Variants in EDAR observed in about 807,000 individuals in gnomAD.
The protein encoded by EDAR is ectodysplasin A receptor.
A neutral mutation model predicts 51.3 loss-of-function variants in EDAR; 38 were observed. The ratio of observed to expected loss-of-function variants is 0.74; its 90% CI spans 0.57 to 0.97. EDAR has a LOEUF of 0.97. Ranked by LOEUF, EDAR falls within the 50% of genes least tolerant of loss-of-function variation. The pLI, the probability that EDAR is intolerant of heterozygous loss-of-function variation, is 0.00. For missense variants in EDAR, 528 were observed against 595.0 expected (o/e 0.89, Z 1.17); for synonymous variants, 227 against 242.1 (o/e 0.94, Z 0.58).
intron 1 of EDAR, among the ~76,000 whole-genome samples, chr2:108,964,560 A>G (rs932557269): frequency 1.3e-5 from 2 of 152,234 alleles, no homozygotes; most frequent in Non-Finnish European, 2.9e-5. Context: ...CACAGTCACC[A>G]GTGACTGAAA....
intron 1 of EDAR, among the ~76,000 whole-genome samples, chr2:108,939,604 T>C (rs1481298647): frequency 6.6e-6 from 1 of 152,042 alleles, no homozygotes; most frequent in Non-Finnish European, 1.5e-5. Context: ...GAGGAGAACA[T>C]GTCCCGTTAG....
At chr2:108,934,870 C>T in intron 1 of EDAR, among the ~76,000 whole-genome samples, 1 of 152,184 alleles carries the variant, frequency 6.6e-6, no homozygotes. Flanking sequence ...AACATTCAAA[C>T]CAAAGCAGCG....
intron 1 of EDAR, among the ~76,000 whole-genome samples, chr2:108,934,775 C>T (rs1026470131): frequency 6.6e-6 from 1 of 152,204 alleles, no homozygotes; most frequent in African/African-American, 2.4e-5. Context: ...AGGGCAGAGC[C>T]TCACGACCTC....
chr2:108,899,872 G>T (rs1309681341), intron 11 of EDAR, among the ~76,000 whole-genome samples: 2 of 152,088 alleles, frequency 1.3e-5, no homozygotes, highest in African/African-American at 4.8e-5. Flanking sequence ...TGTAATCCCA[G>T]CTACTCGGGA....
At chr2:108,978,573 G>GA (rs1485318146) in intron 1 of EDAR, among the ~76,000 whole-genome samples, 1 of 151,562 alleles carries the variant, frequency 6.6e-6, no homozygotes, top group Admixed American at 6.6e-5. Flanking sequence ...CCGAGGAAAA[G>GA]TTTTTTTTTC....
At chr2:108,957,076 C>T (rs962625942) in intron 1 of EDAR, among the ~76,000 whole-genome samples, 2 of 152,226 alleles carry the variant, frequency 1.3e-5, no homozygotes, top group East Asian at 1.9e-4. Context: ...AGGCGTGAGC[C>T]GCCACGCCCA....
intron 5 of EDAR, among the ~76,000 whole-genome samples, chr2:108,916,528 C>T (rs1019733452): frequency 1.3e-5 from 2 of 152,120 alleles, no homozygotes; most frequent in Admixed American, 6.5e-5. Flanking sequence ...CACCTGCCCT[C>T]GGCCAGCTGT....
chr2:108,922,657 C>T (rs528907062), intron 5 of EDAR, among the ~76,000 whole-genome samples: 1 of 152,266 alleles, frequency 6.6e-6, no homozygotes, highest in Non-Finnish European at 1.5e-5. Flanking sequence ...GGGTCAGCTC[C>T]TCCTCCACCC....
At chr2:108,912,571 G>T in intron 6 of EDAR, 107 bp downstream of exon 6, 2 of 1,084,396 alleles carry the variant, frequency 1.8e-6, no homozygotes, top group Non-Finnish European at 2.7e-6. Context: ...AGGCCAGGTG[G>T]GGAAGCGCAC....
chr2:108,930,779 A>G (rs566641186), intron 2 of EDAR, among the ~76,000 whole-genome samples, 185 bp downstream of exon 2: 4 of 152,202 alleles, frequency 2.6e-5, no homozygotes, highest in Non-Finnish European at 5.9e-5. Flanking sequence ...CAACGAAATC[A>G]ATGTAACTTC....
rs1460860066 is a variant in EDAR, at chr2:108,931,726, T to TTC, written c.-18-695_-18-694insGA. The stretch of plus-strand genomic sequence containing the variant: ...CCTTGAAGGAGGAGGTGGGTTTTTT[T>TTC]TTCTTTTTTTTTGCTTGTTTTTTCA... On this transcript the variant is annotated intron_variant, in intron 1 of 11. Coordinates refer to ENST00000258443, the MANE Select transcript of EDAR (RefSeq NM_022336.4). 1.2e-3 allele frequency among the ~76,000 whole-genome samples: 180 copies of TTC among 152,056 alleles called. 1 individual carries two copies. The highest frequency in any genetic ancestry group is 4.0e-3 in the African/African-American group (166 of 41,322).
chr2:108,976,541 G>A lies in EDAR; in HGVS notation c.-19+12419C>T, dbSNP rs535724985. The stretch of plus-strand genomic sequence containing the variant: ...GCACACTTAAGGGAGGGAGTTATCC[G>A]TTTAACCTCCTCAAGGGCACAGCAT... On this transcript the variant is annotated intron_variant, in intron 1 of 11. Coordinates refer to ENST00000258443, the MANE Select transcript of EDAR (RefSeq NM_022336.4). 3.9e-5 allele frequency among the ~76,000 whole-genome samples: 6 copies of A among 152,278 alleles called. No individual in the cohort carries two copies. The East Asian group carries it at 7.7e-4, about 20-fold the overall frequency.
In EDAR at chr2:108,959,572, A is replaced by G. The variant is rs559410113; in HGVS notation, c.-18-28540T>C. On this transcript the variant is annotated intron_variant, in intron 1 of 11. Coordinates refer to ENST00000258443, the MANE Select transcript of EDAR (RefSeq NM_022336.4). ...TTCCAAGGGACCTGGTTCTCACAGC[A>G]GTCATGGGGCTGAGGGGAGCTGGGG... Among the ~76,000 whole-genome samples the G allele has an allele frequency of 1.8e-4, 27 of 152,268 alleles. No individual in the cohort carries two copies. The South Asian group carries it at 3.5e-3, about 20-fold the overall frequency.
At chr2:108,914,815 C>T (rs533421562) in intron 5 of EDAR, among the ~76,000 whole-genome samples, 1 of 152,236 alleles carries the variant, frequency 6.6e-6, no homozygotes, top group Non-Finnish European at 1.5e-5. Flanking sequence ...AATCAAGGTA[C>T]CTCCCCAGCC....
intron 5 of EDAR, among the ~76,000 whole-genome samples, chr2:108,913,228 C>A (rs928174747): frequency 6.6e-6 from 1 of 151,994 alleles, no homozygotes; most frequent in East Asian, 1.9e-4. Flanking sequence ...GGATTACAGG[C>A]ATGAGCCACC....
chr2:108,913,228 CAT>C (rs1696964084), intron 5 of EDAR, among the ~76,000 whole-genome samples: 1 of 151,994 alleles, frequency 6.6e-6, no homozygotes, highest in Non-Finnish European at 1.5e-5. Context: ...GGATTACAGG[CAT>C]GAGCCACCGC....
At chr2:108,913,094 A>G (rs541242469) in intron 5 of EDAR, among the ~76,000 whole-genome samples, 1,679 of 151,822 alleles carry the variant, frequency 0.011, 19 homozygotes, top group Non-Finnish European at 0.014. Flanking sequence ...GACTACAGGC[A>G]CCCACCACCA....
chr2:108,962,485 A>G (rs1029867941), intron 1 of EDAR, among the ~76,000 whole-genome samples: 4 of 152,020 alleles, frequency 2.6e-5, no homozygotes, highest in African/African-American at 9.7e-5. Context: ...CATCCTGGCG[A>G]ACACAGTGAA....
chr2:108,897,082 A>G lies in EDAR; in HGVS notation c.1172T>C (p.Met391Thr). The change falls in exon 12 of 12, where the codon ATG (methionine) becomes ACG (threonine). Residue 391 changes from methionine (M) to threonine (T), a missense_variant. By Grantham distance (81) the Met-to-Thr change is moderately conservative. Transcript: ENST00000258443. The stretch of plus-strand genomic sequence containing the variant: ...GTCAAAGAGTTGCATGCCGTCTGTC[A>G]TGCCCCCAATCTCATCCCTCTTCAG... ...FGLKRDEIGG[M>T]TDGMQLFDRI... 6.2e-7 allele frequency: 1 copy of G among 1,614,162 alleles called. No individual in the cohort carries two copies. The highest frequency in any genetic ancestry group is 8.5e-7 in the Non-Finnish European group (1 of 1,180,034).
Sources: gnomAD v4.1 joint callset for allele counts (sites outside exome capture counted in the v4.1 genomes callset) on GRCh38, gnomAD v4.1.1 for gene constraint, MANE v1.5 for transcripts, NCBI Gene and HGNC (gene_info 2026-07-23, HGNC 2026-07-21) for gene names.